Variants in FBXL17 observed in about 807,000 individuals in gnomAD.
The protein encoded by FBXL17 is F-box and leucine rich repeat protein 17, also known as F-box/LRR-repeat protein 17.
Under a neutral mutation model 66.2 loss-of-function variants are expected in FBXL17, and 22 were observed. The observed-to-expected ratio is 0.33, with a 90% CI of 0.24 to 0.47. The LOEUF is 0.47. Among genes scored for constraint, FBXL17 ranks in the 20% least tolerant of loss-of-function variants. The pLI is 1.00. For missense variants in FBXL17, 878 were observed against 948.2 expected (o/e 0.93, Z 0.97); for synonymous variants, 474 against 400.5 (o/e 1.18, Z -2.19).
At chr5:108,235,697 A>G (rs1440146606) in intron 4 of FBXL17, among the ~76,000 whole-genome samples, 2 of 152,092 alleles carry the variant, frequency 1.3e-5, no homozygotes, top group Non-Finnish European at 2.9e-5. Context: ...CATCTCATCT[A>G]ATTCATTTCA....
rs1469148113 is a variant in FBXL17, at chr5:108,381,564, G to C, written c.128C>G (p.Pro43Arg). 6.9e-7 allele frequency: 1 copy of C among 1,440,120 alleles called. No individual in the cohort carries two copies. The highest frequency in any genetic ancestry group is 2.9e-5 in the East Asian group (1 of 33,938). The allele number at this position is 1,440,120 out of a possible 1,614,324, so 89.2% of individuals were successfully genotyped here. The change falls in exon 1 of 9, where the codon CCT (proline) becomes CGT (arginine). Residue 43 changes from proline (P) to arginine (R), a missense_variant. Pro to Arg is a moderately radical substitution (Grantham distance 103). Around this residue, in one of 4 missense-constraint regions of FBXL17, gnomAD observed 605 missense variants for 509.5 expected, o/e 1.19. Coordinates refer to ENST00000542267, the MANE Select transcript of FBXL17 (RefSeq NM_001163315.3). ...LPRRTPAKVP[P>R]QPAAPRSRDC... ...CCGGCTCCGGGGCGCCGCCGGCTGA[G>C]GGGGCACCTTGGCTGGGGTCCGGCG...
chr5:108,068,230 A>G (rs560661121), intron 6 of FBXL17, among the ~76,000 whole-genome samples: 2 of 152,288 alleles, frequency 1.3e-5, no homozygotes, highest in African/African-American at 4.8e-5. Context: ...TATGGATCTA[A>G]GATGTTTCAT....
intron 1 of FBXL17, among the ~76,000 whole-genome samples, chr5:108,374,528 G>A (rs1749287584): frequency 6.6e-6 from 1 of 151,996 alleles, no homozygotes; most frequent in Non-Finnish European, 1.5e-5. Context: ...ACAAAAATTA[G>A]CCGGGCGTGG....
intron 4 of FBXL17, among the ~76,000 whole-genome samples, chr5:108,310,168 T>C (rs1397916622): frequency 1.3e-5 from 2 of 152,154 alleles, no homozygotes; most frequent in African/African-American, 4.8e-5. Context: ...ATATTTCCTA[T>C]ACAAGATCAC....
intron 7 of FBXL17, among the ~76,000 whole-genome samples, chr5:107,931,107 T>A (rs1750719656): frequency 2.0e-5 from 3 of 152,176 alleles, no homozygotes; most frequent in Non-Finnish European, 2.9e-5. Flanking sequence ...GTGATGGACA[T>A]TTCTGAGATG....
chr5:108,276,515 C>T (rs1757489082), intron 4 of FBXL17, among the ~76,000 whole-genome samples: 1 of 152,096 alleles, frequency 6.6e-6, no homozygotes, highest in East Asian at 1.9e-4. Flanking sequence ...ATCAATAATG[C>T]TGCTCAGTAT....
At chr5:107,973,354 ATTTT>A (rs200079422) in intron 7 of FBXL17, among the ~76,000 whole-genome samples, 2 of 120,434 alleles carry the variant, frequency 1.7e-5, no homozygotes, top group African/African-American at 6.4e-5. Context: ...TTTTTTTGTA[ATTTT>A]TTTTTTTTTT....
intron 4 of FBXL17, among the ~76,000 whole-genome samples, chr5:108,329,681 A>T (rs4957753): frequency 0.49 from 74,745 of 151,984 alleles, 18,449 homozygotes; most frequent in African/African-American, 0.51. Context: ...ACACCACATT[A>T]TATACTATAA....
At chr5:108,148,176 C>G (rs1751632115) in intron 6 of FBXL17, among the ~76,000 whole-genome samples, 1 of 151,988 alleles carries the variant, frequency 6.6e-6, no homozygotes, top group Non-Finnish European at 1.5e-5. Flanking sequence ...AGAAGTAAGT[C>G]TGACAAAAGA....
intron 8 of FBXL17, among the ~76,000 whole-genome samples, chr5:107,862,397 A>ATTTAAT (rs1748149737): frequency 6.6e-6 from 1 of 152,162 alleles, no homozygotes; most frequent in African/African-American, 2.4e-5. Context: ...ATTAAAACAT[A>ATTTAAT]CATGGCTGGC....
rs766151436 is a variant in FBXL17, at chr5:107,880,950, G to A, written c.1965+87C>T. ...TATATAATATATAATACACGGGGGT[G>A]GAGATAGAGAAGGAGAGAGGATATG... On this transcript the variant is annotated intron_variant, in intron 8 of 8. Coordinates refer to ENST00000542267, the MANE Select transcript of FBXL17 (RefSeq NM_001163315.3). 16 of 1,607,874 alleles carry A rather than the reference G, an allele frequency of 1.0e-5. No individual in the cohort carries two copies. The African/African-American group carries it at 2.1e-4, about 21-fold the overall frequency.
At chr5:108,190,236 T>C (rs1318519265) in intron 5 of FBXL17, among the ~76,000 whole-genome samples, 1 of 152,216 alleles carries the variant, frequency 6.6e-6, no homozygotes, top group Non-Finnish European at 1.5e-5. Flanking sequence ...CTTCAGATAC[T>C]TATGCTCACA....
At chr5:108,318,144 T>C (rs941802891) in intron 4 of FBXL17, among the ~76,000 whole-genome samples, 1 of 151,608 alleles carries the variant, frequency 6.6e-6, no homozygotes. Context: ...AAAAAACCCA[T>C]GTGCACAACA....
intron 6 of FBXL17, among the ~76,000 whole-genome samples, chr5:108,110,552 TC>T (rs1340062375): frequency 6.6e-6 from 1 of 152,186 alleles, no homozygotes. Context: ...GAAAGTAGTT[TC>T]CTATTTAGAA....
chr5:107,910,817 G>T lies in FBXL17; in HGVS notation c.1823-29638C>A, dbSNP rs370652588. On this transcript the variant is annotated intron_variant, in intron 7 of 8. Transcript: ENST00000542267. ...GACATTAGAAAAAACATCAAAAAAA[G>T]TTATATAGGAATAAACCTAACAAAA... Among the ~76,000 whole-genome samples the T allele has an allele frequency of 2.0e-5, 3 of 152,042 alleles. No homozygotes were observed. In the East Asian group the frequency reaches 5.8e-4, roughly 29 times the overall value.
chr5:107,950,411 A>C (rs937531558), intron 7 of FBXL17, among the ~76,000 whole-genome samples: 3 of 152,218 alleles, frequency 2.0e-5, no homozygotes, highest in Non-Finnish European at 4.4e-5. Context: ...GAATATTCTG[A>C]ATATAGAATA....
intron 8 of FBXL17, among the ~76,000 whole-genome samples, chr5:107,867,256 T>A (rs914574745): frequency 5.9e-5 from 9 of 152,236 alleles, no homozygotes; most frequent in African/African-American, 2.2e-4. Context: ...TCTGGATACA[T>A]CTTCCCTAGA....
chr5:108,148,714 T>C (rs1751654469), intron 6 of FBXL17, among the ~76,000 whole-genome samples: 1 of 152,086 alleles, frequency 6.6e-6, no homozygotes, highest in Non-Finnish European at 1.5e-5. Context: ...AAATTGAATA[T>C]CCACATCCAA....
intron 7 of FBXL17, among the ~76,000 whole-genome samples, chr5:107,909,128 T>G (rs1749863696): frequency 6.6e-6 from 1 of 152,158 alleles, no homozygotes; most frequent in African/African-American, 2.4e-5. Context: ...TTAAATGAAT[T>G]CTATACTGTG....
Sources: allele counts gnomAD v4.1 joint callset (sites outside exome capture counted in the v4.1 genomes callset), GRCh38; gene constraint gnomAD v4.1.1; regional missense constraint gnomAD v4.1.1; transcripts MANE v1.5; gene names NCBI Gene and HGNC (gene_info 2026-07-23, HGNC 2026-07-21).